EPHA3: variants seen among roughly 807,000 people sequenced by gnomAD.
EPHA3 encodes the protein EPH receptor A3.
A neutral mutation model predicts 107.1 loss-of-function variants in EPHA3; 42 were observed. That is an observed-to-expected ratio of 0.39 (90% CI 0.31 to 0.51). EPHA3 has a LOEUF of 0.51. EPHA3 is among the 20% of genes least tolerant of loss of function. The pLI is 0.78. For synonymous variants in EPHA3, 461 were observed against 424.8 expected (o/e 1.09, Z -1.05); for missense variants, 1,183 against 1,211.2 (o/e 0.98, Z 0.35).
chr3:89,467,321 T>A (rs1360654448), intron 15 of EPHA3, among the ~76,000 whole-genome samples: 2 of 152,212 alleles, frequency 1.3e-5, no homozygotes, highest in African/African-American at 4.8e-5. Context: ...TTTTTAGATT[T>A]AATGTATTTC....
rs527647615 is a variant in EPHA3 at position 89,350,939 on chromosome 3, G to A, written c.1306+8849G>A. 2.0e-4 allele frequency among the ~76,000 whole-genome samples: 31 copies of A among 151,500 alleles called. 2 individuals carry two copies. Among genetic ancestry groups the A allele is most frequent in the Admixed American group, 5.3e-4 (8 of 15,162 alleles). On this transcript the variant is annotated intron_variant, in intron 5 of 16. Transcript: ENST00000336596. ...CCAGTTAGGCTGCTCGGGGGTCAGG[G>A]GTCAGGGACCCACTTGAGGAGGCAG...
At chr3:89,197,431 AAAAAAAAAATAAAAACAT>A (rs1705863447) in intron 2 of EPHA3, among the ~76,000 whole-genome samples, 6 of 7,358 alleles carry the variant, frequency 8.2e-4, no homozygotes, top group Non-Finnish European at 1.7e-3. Flanking sequence ...ATAAAAACAT[AAAAAAAAAATAAAAACAT>A]AAAAAAACTT....
chr3:89,233,668 T>C (rs1404763376), intron 3 of EPHA3, among the ~76,000 whole-genome samples: 2 of 152,164 alleles, frequency 1.3e-5, no homozygotes, highest in Admixed American at 1.3e-4. Context: ...GCACAATTTC[T>C]AACCAAAGGC....
At chr3:89,447,227 G>A (rs144138901) in intron 13 of EPHA3, among the ~76,000 whole-genome samples, 1 of 152,156 alleles carries the variant, frequency 6.6e-6, no homozygotes, top group East Asian at 1.9e-4. Flanking sequence ...CTCTGGCTCC[G>A]GTCTCTCCAA....
Position 89,431,124 on chromosome 3 carries a change from A to C in EPHA3, c.2137-26A>C, listed in dbSNP as rs765178279. ...TCTTTAAGAAATAGGAACGTATCTT[A>C]ATTGTACATTTGAAATGCTTCCCAG... On this transcript the variant is annotated intron_variant, in intron 12 of 16. Transcript: ENST00000336596. 3 of 1,606,704 alleles carry C rather than the reference A, an allele frequency of 1.9e-6. No homozygotes were observed. The East Asian group carries it at 6.7e-5, about 36-fold the overall frequency.
intron 2 of EPHA3, among the ~76,000 whole-genome samples, chr3:89,166,658 CT>C (rs1252508770): frequency 6.6e-6 from 1 of 152,096 alleles, no homozygotes; most frequent in African/African-American, 2.4e-5. Context: ...ATTTGCTCTC[CT>C]TTTTTCTTTT....
intron 2 of EPHA3, among the ~76,000 whole-genome samples, chr3:89,195,328 T>C (rs972654190): frequency 2.0e-5 from 3 of 151,866 alleles, no homozygotes; most frequent in African/African-American, 7.3e-5. Context: ...AACTGAAGAG[T>C]TCTGGGTTTG....
chr3:89,325,930 T>C (rs1707155566), intron 3 of EPHA3, among the ~76,000 whole-genome samples: 1 of 151,202 alleles, frequency 6.6e-6, no homozygotes, highest in African/African-American at 2.4e-5. Flanking sequence ...GTTAAGATAT[T>C]ATACATATTA....
At chr3:89,122,933 G>A (rs1707421595) in intron 1 of EPHA3, among the ~76,000 whole-genome samples, 1 of 152,140 alleles carries the variant, frequency 6.6e-6, no homozygotes, top group South Asian at 2.1e-4. Flanking sequence ...ACTAGGAGTG[G>A]ACTTTTGATT....
intron 3 of EPHA3, among the ~76,000 whole-genome samples, chr3:89,217,696 T>C (rs1704251776): frequency 1.3e-5 from 2 of 152,174 alleles, no homozygotes; most frequent in Non-Finnish European, 2.9e-5. Flanking sequence ...GTGTAAAATA[T>C]TTCTGAATTC....
In EPHA3 at chr3:89,112,221, T is replaced by A. The variant is rs578026038; in HGVS notation, c.88+4385T>A. ...TAATACAAAAATTTAAAACAAAATA[T>A]TGTACAGAATCAGATCTTAGAGAGT... On this transcript the variant is annotated intron_variant, in intron 1 of 16. Coordinates refer to ENST00000336596, the MANE Select transcript of EPHA3 (RefSeq NM_005233.6). Among the ~76,000 whole-genome samples the A allele has an allele frequency of 6.8e-4, 104 of 152,202 alleles. No individual in the cohort carries two copies. The Middle Eastern group carries it at 0.01, about 15-fold the overall frequency.
chr3:89,258,721 C>A (rs1705344573), intron 3 of EPHA3, among the ~76,000 whole-genome samples: 2 of 152,146 alleles, frequency 1.3e-5, no homozygotes, highest in Non-Finnish European at 2.9e-5. Context: ...GATTATGCCA[C>A]TTATTTGCTC....
At chr3:89,147,607 A>G (rs191386299) in intron 2 of EPHA3, among the ~76,000 whole-genome samples, 3 of 152,012 alleles carry the variant, frequency 2.0e-5, no homozygotes, top group Admixed American at 2.0e-4. Flanking sequence ...ATTGACCGCA[A>G]TCAGTTCAAT....
At chr3:89,154,991 T>A (rs898543575) in intron 2 of EPHA3, among the ~76,000 whole-genome samples, 10 of 150,838 alleles carry the variant, frequency 6.6e-5, no homozygotes, top group African/African-American at 2.2e-4. Context: ...CTTTTTAAAA[T>A]TTTTTCAAAG....
intron 16 of EPHA3, among the ~76,000 whole-genome samples, chr3:89,473,090 A>G (rs1298995430): frequency 6.6e-6 from 1 of 152,216 alleles, no homozygotes; most frequent in African/African-American, 2.4e-5. Context: ...ACTGGTTTTC[A>G]TAGTTGCTAA....
chr3:89,204,120 A>C (rs1387020293), intron 2 of EPHA3, among the ~76,000 whole-genome samples: 1 of 152,150 alleles, frequency 6.6e-6, no homozygotes, highest in Non-Finnish European at 1.5e-5. Flanking sequence ...ACTCTCTAAA[A>C]TACTTTGTTG....
chr3:89,183,019 G>T (rs1705480961), intron 2 of EPHA3, among the ~76,000 whole-genome samples: 1 of 151,828 alleles, frequency 6.6e-6, no homozygotes, highest in Non-Finnish European at 1.5e-5. Flanking sequence ...TAAGATGAAA[G>T]GAAAACTGAT....
intron 2 of EPHA3, among the ~76,000 whole-genome samples, chr3:89,179,641 A>T (rs1173590947): frequency 6.8e-6 from 1 of 148,072 alleles, no homozygotes; most frequent in African/African-American, 2.5e-5. Flanking sequence ...GTTATGTTCA[A>T]ATGTTGCCAA....
intron 3 of EPHA3, among the ~76,000 whole-genome samples, chr3:89,224,086 A>G (rs1181082823): frequency 1.3e-5 from 2 of 152,206 alleles, no homozygotes; most frequent in Non-Finnish European, 2.9e-5. Context: ...AAAAATGTGA[A>G]GCAATAAGAA....
Sources: allele counts gnomAD v4.1 joint callset (sites outside exome capture counted in the v4.1 genomes callset), GRCh38; gene constraint gnomAD v4.1.1; transcripts MANE v1.5; gene names NCBI Gene and HGNC (gene_info 2026-07-23, HGNC 2026-07-21).